The following RBFOX1 variants were observed in gnomAD, a reference collection of about 807,000 sequenced individuals.
RBFOX1 encodes the protein RNA binding protein fox-1 homolog 1.
In RBFOX1, 8 loss-of-function variants were observed where a neutral mutation model predicts 57.7. The ratio of observed to expected loss-of-function variants is 0.14; its 90% confidence interval spans 0.08 to 0.25. RBFOX1 has a LOEUF of 0.25. Ranked by LOEUF, RBFOX1 falls within the 10% of genes least tolerant of loss-of-function variation. The pLI is 1.00. For missense variants in RBFOX1, 611 were observed against 548.5 expected (o/e 1.11, Z -1.14); for synonymous variants, 326 against 222.4 (o/e 1.47, Z -4.15).
intron 2 of RBFOX1, among the ~76,000 whole-genome samples, chr16:5,525,491 A>ATTTTTTTTTTTTTTTTTTTTTT (rs71404528): frequency 1.3e-5 from 1 of 78,270 alleles, no homozygotes. Flanking sequence ...AGCCGACACT[A>ATTTTTTTTTTTTTTTTTTTTTT]TTTTTTTTTT....
chr16:5,262,347 A>G lies in RBFOX1; in HGVS notation c.219+22242A>G, dbSNP rs535195406. Among the ~76,000 whole-genome samples the G allele has an allele frequency of 4.6e-5, 7 of 152,364 alleles. No homozygotes were observed. The East Asian group carries it at 1.3e-3, about 29-fold the overall frequency. On this transcript the variant is annotated intron_variant, in intron 1 of 2. Transcript: ENST00000585867. ...ATAACATTTAATTGGTAGACTGAAT[A>G]AGGCAGATTGTCCTCCCCAATGTGG...
intron 4 of RBFOX1, among the ~76,000 whole-genome samples, chr16:7,100,476 C>G (rs868068665): frequency 6.6e-6 from 1 of 151,392 alleles, no homozygotes; most frequent in Non-Finnish European, 1.5e-5. Flanking sequence ...AAAACAGAAT[C>G]ATACTATAAA....
At chr16:7,004,523 G>C (rs541792496) in intron 3 of RBFOX1, among the ~76,000 whole-genome samples, 2 of 152,320 alleles carry the variant, frequency 1.3e-5, no homozygotes, top group East Asian at 1.9e-4. Flanking sequence ...CACTCCAAGA[G>C]AGAGACCATC....
At chr16:5,535,484 G>C (rs964439639) in intron 2 of RBFOX1, among the ~76,000 whole-genome samples, 2 of 152,172 alleles carry the variant, frequency 1.3e-5, no homozygotes, top group Non-Finnish European at 2.9e-5. Context: ...GTGAAAAGCA[G>C]TCCCCAGTCC....
intron 10 of RBFOX1, among the ~76,000 whole-genome samples, chr16:7,620,484 C>T (rs1259728765): frequency 1.3e-5 from 2 of 152,192 alleles, no homozygotes; most frequent in Non-Finnish European, 2.9e-5. Flanking sequence ...TTATTTCAAT[C>T]TTGCAAGTAG....
chr16:7,336,499 T>G (rs1404145253), intron 4 of RBFOX1, among the ~76,000 whole-genome samples: 1 of 152,252 alleles, frequency 6.6e-6, no homozygotes, highest in Non-Finnish European at 1.5e-5. Context: ...CATGCATTTG[T>G]TCCTTCAGTT....
intron 3 of RBFOX1, among the ~76,000 whole-genome samples, chr16:6,921,556 C>G (rs1257938456): frequency 1.3e-5 from 2 of 151,976 alleles, no homozygotes; most frequent in African/African-American, 2.4e-5. Flanking sequence ...CATAGGTCCT[C>G]TCATAACATG....
At chr16:7,020,680 C>A (rs73536847) in intron 3 of RBFOX1, among the ~76,000 whole-genome samples, 7 of 152,136 alleles carry the variant, frequency 4.6e-5, no homozygotes, top group African/African-American at 1.7e-4. Flanking sequence ...TGGACACTGT[C>A]TGTGTCATCA....
rs538583786 is a variant in RBFOX1, at chr16:6,593,906, C to T, written c.-63-60697C>T. Among the ~76,000 whole-genome samples, 41 of 152,252 alleles carry T rather than the reference C, an allele frequency of 2.7e-4. No individual in the cohort carries two copies. The South Asian group carries it at 3.5e-3, about 13-fold the overall frequency. On this transcript the variant is annotated intron_variant, in intron 2 of 15. Coordinates refer to ENST00000550418, the MANE Select transcript of RBFOX1 (RefSeq NM_018723.4). ...AAAGTGCTTGTCTCTCATTGCCTAG[C>T]GATTTACTGGCATTGTAGACTCCAC...
At chr16:5,357,621 A>C (rs991626755) in intron 1 of RBFOX1, among the ~76,000 whole-genome samples, 2 of 152,198 alleles carry the variant, frequency 1.3e-5, no homozygotes, top group African/African-American at 4.8e-5. Context: ...ACTTGTAACA[A>C]ACTCCCAGGT....
intron 3 of RBFOX1, among the ~76,000 whole-genome samples, chr16:6,707,828 C>G (rs936014295): frequency 5.9e-5 from 9 of 152,154 alleles, no homozygotes; most frequent in African/African-American, 2.2e-4. Flanking sequence ...TCCGCCTTCT[C>G]CTTCCCCAAG....
intron 4 of RBFOX1, among the ~76,000 whole-genome samples, chr16:7,250,027 T>C (rs1253805012): frequency 6.6e-6 from 1 of 152,204 alleles, no homozygotes; most frequent in Non-Finnish European, 1.5e-5. Flanking sequence ...TAGAACCTAT[T>C]TGTTTTGCAC....
At position 6,293,695 on chromosome 16, in the gene RBFOX1, C is replaced by A. The variant is rs931088317; in HGVS notation, c.-126-23300C>A. Among the ~76,000 whole-genome samples, 3 of 152,092 alleles carry A rather than the reference C, an allele frequency of 2.0e-5. No homozygotes were observed. In the South Asian group the frequency reaches 6.2e-4, roughly 32 times the overall value. ...GAAGAGGGGCTAGTTCAGCCCTCGT[C>A]GCCTGGTATGGGCAGGAAGACTCTA... is the stretch of plus-strand genomic sequence containing the variant. On this transcript the variant is annotated intron_variant, in intron 1 of 15. Coordinates refer to ENST00000550418, the MANE Select transcript of RBFOX1 (RefSeq NM_018723.4).
intron 2 of RBFOX1, among the ~76,000 whole-genome samples, chr16:6,595,338 TA>T (rs748255811): frequency 6.6e-6 from 1 of 152,220 alleles, no homozygotes; most frequent in Non-Finnish European, 1.5e-5. Flanking sequence ...CTGGCTTCTT[TA>T]CTAAGCATAA....
chr16:6,320,678 T>G (rs543306307), intron 2 of RBFOX1, among the ~76,000 whole-genome samples: 1 of 152,236 alleles, frequency 6.6e-6, no homozygotes, highest in East Asian at 1.9e-4. Flanking sequence ...TTCAATATGG[T>G]TACCAGCAGC....
chr16:6,086,234 TTGAATTTTGCAAG>T (rs1352158278), intron 1 of RBFOX1, among the ~76,000 whole-genome samples: 3 of 152,162 alleles, frequency 2.0e-5, no homozygotes, highest in Non-Finnish European at 4.4e-5. Context: ...TGCATTGGGT[TTGAATTTTGCAAG>T]TGAGTTGTTG....
intron 3 of RBFOX1, among the ~76,000 whole-genome samples, chr16:5,851,502 A>G (rs1284881939): frequency 6.6e-6 from 1 of 152,196 alleles, no homozygotes; most frequent in Non-Finnish European, 1.5e-5. Context: ...GCCGAAGAAG[A>G]TGAAATGCTC....
intron 3 of RBFOX1, among the ~76,000 whole-genome samples, chr16:5,859,742 G>T (rs745641477): frequency 6.6e-6 from 1 of 152,162 alleles, no homozygotes; most frequent in Admixed American, 6.5e-5. Flanking sequence ...CCATTTTACA[G>T]GTATAAAATT....
intron 2 of RBFOX1, among the ~76,000 whole-genome samples, chr16:6,520,933 A>G (rs1210385032): frequency 3.3e-5 from 5 of 152,198 alleles, no homozygotes; most frequent in Non-Finnish European, 7.3e-5. Context: ...AGTGTTGGAA[A>G]GAGTGTAGGG....
Sources: allele counts gnomAD v4.1 joint callset (sites outside exome capture counted in the v4.1 genomes callset), GRCh38; gene constraint gnomAD v4.1.1; transcripts MANE v1.5; gene names NCBI Gene and HGNC (gene_info 2026-07-23, HGNC 2026-07-21).